SERINC1: variants seen among roughly 807,000 people sequenced by gnomAD.
SERINC1 encodes the protein serine incorporator 1.
In SERINC1, 38 loss-of-function variants were observed where a neutral mutation model predicts 52.9. That is an observed-to-expected ratio of 0.72 (90% CI 0.55 to 0.94). The LOEUF (loss-of-function observed/expected upper bound fraction) is 0.94. SERINC1 is among the 40% of genes least tolerant of loss of function. The pLI, the probability that SERINC1 is intolerant of heterozygous loss-of-function variation, is 0.00. For missense variants in SERINC1, 471 were observed against 533.9 expected, an observed-to-expected ratio of 0.88 and a Z score of 1.16; for synonymous variants, 198 against 183.1, an observed-to-expected ratio of 1.08 and a Z score of -0.66.
chr6:122,459,125 T>C (rs1345250576), intron 1 of SERINC1, among the ~76,000 whole-genome samples: 1 of 152,198 alleles, frequency 6.6e-6, no homozygotes, highest in East Asian at 1.9e-4. Context: ...AGTGAATTGA[T>C]ATATTTTCCT....
At chr6:122,447,644 T>C (rs1424446125) in intron 7 of SERINC1, among the ~76,000 whole-genome samples, 1 of 152,126 alleles carries the variant, frequency 6.6e-6, no homozygotes, top group African/African-American at 2.4e-5. Context: ...GGCTTTTCTA[T>C]CATATGTTGA....
chr6:122,447,257 A>G lies in SERINC1; in HGVS notation c.859T>C (p.Cys287Arg). Reference protein sequence around the residue: ...SAMTNEPETNCNPSLLSIIGY... With the variant: ...SAMTNEPETNRNPSLLSIIGY... ...ATTATGCTTAGTAGACTTGGGTTGC[A>G]ATTTGTTTCTGTAATATAAAGCCAA... The change falls in exon 8 of 10, where the codon TGC (cysteine) becomes CGC (arginine). Residue 287 changes from cysteine (C) to arginine (R), a missense_variant. Physicochemically the swap from Cys to Arg is radical, Grantham distance 180. Coordinates refer to ENST00000339697, the MANE Select transcript of SERINC1 (RefSeq NM_020755.4). The G allele has an allele frequency of 6.2e-7, 1 of 1,606,446 alleles. No homozygotes were observed. The highest frequency in any genetic ancestry group is 8.5e-7 in the Non-Finnish European group (1 of 1,176,348).
intron 1 of SERINC1, among the ~76,000 whole-genome samples, chr6:122,461,356 T>C (rs541088808): frequency 2.0e-5 from 3 of 152,192 alleles, no homozygotes; most frequent in Middle Eastern, 3.4e-3. Context: ...ATCACACTTC[T>C]AGTAAGAAAC....
chr6:122,465,662 A>G (rs1775178323), intron 1 of SERINC1, among the ~76,000 whole-genome samples: 1 of 152,128 alleles, frequency 6.6e-6, no homozygotes, highest in South Asian at 2.1e-4. Flanking sequence ...GTCCTACACC[A>G]AGCTCTTGAG....
At chr6:122,461,339 GAAAT>G (rs1214959201) in intron 1 of SERINC1, among the ~76,000 whole-genome samples, 1 of 151,858 alleles carries the variant, frequency 6.6e-6, no homozygotes, top group Non-Finnish European at 1.5e-5. Context: ...GAGGAACAAA[GAAAT>G]AAATCACACT....
Position 122,452,012 on chromosome 6 carries a change from G to C in SERINC1, c.635C>G (p.Ala212Gly), listed in dbSNP as rs1251483627. 6.3e-7 allele frequency: 1 copy of C among 1,582,202 alleles called. No homozygotes were observed. Among genetic ancestry groups the C allele is most frequent in the Non-Finnish European group, 8.6e-7 (1 of 1,165,528 alleles). The part of the protein sequence containing the change: ...TALNYLLSLV[A>G]IVLFFVYYTH... ...GTAGTAGACAAAGAACAGGACGATA[G>C]CAACTAAAGACAGCAGATAATTCAG... is the stretch of plus-strand genomic sequence containing the variant. Residue 212 changes from alanine (A) to glycine (G), a missense_variant, in exon 6 of 10, where the codon GCT becomes GGT. Transcript: ENST00000339697.
intron 3 of SERINC1, 48 bp downstream of exon 3, chr6:122,456,433 A>G: frequency 8.2e-7 from 1 of 1,225,926 alleles, no homozygotes; most frequent in Non-Finnish European, 1.1e-6. Context: ...GCAATTATCA[A>G]GAAGAGGCTA....
chr6:122,451,776 A>AAAAAAAAAAAAAAATATAT lies in SERINC1; in HGVS notation c.760-23_760-22insATATATTTTTTTTTTTTTT. ...ATTCCTACAAAAAAAAAAAAAAAAA[A>AAAAAAAAAAAAAAATATAT]ATATATATATATATATATAGCAACA... On this transcript the variant is annotated intron_variant, in intron 6 of 9. Transcript: ENST00000339697. 11 of 113,076 alleles carry AAAAAAAAAAAAAAATATAT rather than the reference A, an allele frequency of 9.7e-5. 1 individual carries two copies. The highest frequency in any genetic ancestry group is 6.7e-4 in the African/African-American group (9 of 13,434). 7.0% of individuals were successfully genotyped at this position (113,076 alleles called of 1,614,324 possible). A position where few individuals can be genotyped will look rare whatever the true frequency, so the allele number is the denominator to read the frequency against.
chr6:122,445,310 T>A (rs1230788538), intron 9 of SERINC1, 131 bp from the exon 10 acceptor site: 2 of 819,184 alleles, frequency 2.4e-6, no homozygotes, highest in African/African-American at 3.5e-5. Context: ...CATTGCTGCA[T>A]CTAATCTGCT....
intron 1 of SERINC1, among the ~76,000 whole-genome samples, chr6:122,460,648 A>G (rs1775085574): frequency 6.6e-6 from 1 of 152,210 alleles, no homozygotes; most frequent in South Asian, 2.1e-4. Flanking sequence ...AAATAAAAGT[A>G]TATCCAGCGC....
intron 9 of SERINC1, among the ~76,000 whole-genome samples, chr6:122,446,446 G>A (rs961756543): frequency 3.3e-5 from 5 of 151,648 alleles, no homozygotes; most frequent in African/African-American, 1.2e-4. Context: ...GAGAAAAAAG[G>A]ATGTATCCTT....
At chr6:122,453,948 T>C (rs758572157) in intron 4 of SERINC1, 41 bp from the exon 5 acceptor site, 3 of 1,536,100 alleles carry the variant, frequency 2.0e-6, no homozygotes, top group South Asian at 2.5e-5. Flanking sequence ...TTGGTTAGTT[T>C]GATTTTTATC....
chr6:122,471,630 C>T, intron 1 of SERINC1, 69 bp downstream of exon 1: 1 of 1,601,854 alleles, frequency 6.2e-7, no homozygotes, highest in East Asian at 2.2e-5. Flanking sequence ...GCTCACCCAG[C>T]CCCGGCTCGG....
At chr6:122,469,417 C>T (rs1775237697) in intron 1 of SERINC1, among the ~76,000 whole-genome samples, 2 of 150,608 alleles carry the variant, frequency 1.3e-5, no homozygotes, top group Admixed American at 6.6e-5. Context: ...CACTCTGTTG[C>T]CCAGGCTGGA....
intron 1 of SERINC1, among the ~76,000 whole-genome samples, chr6:122,466,988 G>A (rs1370618918): frequency 6.6e-6 from 1 of 152,182 alleles, no homozygotes; most frequent in Non-Finnish European, 1.5e-5. Flanking sequence ...AAAATTCTGA[G>A]GGAAAATGAC....
chr6:122,459,596 T>C (rs189552976), intron 1 of SERINC1, among the ~76,000 whole-genome samples: 2 of 152,020 alleles, frequency 1.3e-5, no homozygotes, highest in African/African-American at 4.8e-5. Context: ...AAGTTAAACA[T>C]AAACATCTCC....
intron 1 of SERINC1, among the ~76,000 whole-genome samples, chr6:122,462,345 A>G (rs952396426): frequency 3.9e-5 from 6 of 152,200 alleles, no homozygotes; most frequent in Non-Finnish European, 7.3e-5. Context: ...TTTGAATTCA[A>G]CTTCACACTG....
At chr6:122,459,333 C>G (rs988829266) in intron 1 of SERINC1, among the ~76,000 whole-genome samples, 12 of 152,064 alleles carry the variant, frequency 7.9e-5, no homozygotes, top group African/African-American at 2.9e-4. Context: ...CTAAGAAAGC[C>G]ACAGAGTAAA....
Position 122,463,742 on chromosome 6 carries a change from C to T in SERINC1, c.40-5061G>A, listed in dbSNP as rs1032781438. Among the ~76,000 whole-genome samples, 4 of 151,960 alleles carry T rather than the reference C, an allele frequency of 2.6e-5. No individual in the cohort carries two copies. In the East Asian group the frequency reaches 7.7e-4, roughly 29 times the overall value. On this transcript the variant is annotated intron_variant, in intron 1 of 9. Transcript: ENST00000339697. ...AACTAGAACTCTCTTACTTTGGTGG[C>T]GGGAATGAAAAATGGTACAACCATT...
Sources: gnomAD v4.1 joint callset for allele counts (sites outside exome capture counted in the v4.1 genomes callset) on GRCh38, gnomAD v4.1.1 for gene constraint, MANE v1.5 for transcripts, NCBI Gene and HGNC (gene_info 2026-07-23, HGNC 2026-07-21) for gene names.